Variants in SLC12A2 observed in about 807,000 individuals in gnomAD.
The protein encoded by SLC12A2 is solute carrier family 12 member 2.
SLC12A2 carries 67 observed loss-of-function variants against 136.3 expected under a neutral mutation model. The ratio of observed to expected loss-of-function variants is 0.49; its 90% confidence interval spans 0.40 to 0.60. The LOEUF (loss-of-function observed/expected upper bound fraction) is 0.60, where lower values mean the gene tolerates loss of function less well. Ranked by LOEUF, SLC12A2 falls within the 20% of genes least tolerant of loss-of-function variation. SLC12A2 has a pLI of 0.00. For synonymous variants in SLC12A2, 619 were observed against 562.9 expected, an observed-to-expected ratio of 1.10 and a Z score of -1.41; for missense variants, 1,322 against 1,534.7, an observed-to-expected ratio of 0.86 and a Z score of 2.32.
rs1762692629 is a variant in SLC12A2 at position 128,151,299 on chromosome 5, T to C, written c.2166T>C (p.Leu722=). The change falls in exon 14 of 27, where the codon CTT becomes CTC. Residue 722 remains leucine, a synonymous_variant. Coordinates refer to ENST00000262461, the MANE Select transcript of SLC12A2 (RefSeq NM_001046.3). The part of the protein sequence containing the change: ...NMWISLLGAI[L]CCIVMFVINW... Reference sequence around the variant, plus strand: ...GGATATCACTTCTTGGAGCAATTCTTTGTTGCATAGTAATGTTCGTCATTA... The same window carrying C: ...GGATATCACTTCTTGGAGCAATTCTCTGTTGCATAGTAATGTTCGTCATTA... 1 of 1,612,530 alleles carries C rather than the reference T, an allele frequency of 6.2e-7. No individual in the cohort carries two copies. Among genetic ancestry groups the C allele is most frequent in the Non-Finnish European group, 8.5e-7 (1 of 1,179,300 alleles).
In SLC12A2 at chr5:128,158,047, A is replaced by T; in HGVS notation, c.2364-6A>T. ...TAATTTTGTTTGTCTTTTCATCTTA[A>T]ATTAGGCCACAGTGTCTTGTTATGA... On this transcript the variant is annotated splice_polypyrimidine_tract_variant and splice_region_variant and intron_variant, in intron 15 of 26. Transcript: ENST00000262461. 6.3e-7 allele frequency: 1 copy of T among 1,599,340 alleles called. No homozygotes were observed. Among genetic ancestry groups the T allele is most frequent in the Non-Finnish European group, 8.5e-7 (1 of 1,174,802 alleles).
chr5:128,097,032 A>G (rs1048269115), intron 1 of SLC12A2, among the ~76,000 whole-genome samples: 4 of 152,080 alleles, frequency 2.6e-5, no homozygotes, highest in Non-Finnish European at 5.9e-5. Context: ...TCAATACAAA[A>G]AAAGAGTCAG....
At chr5:128,111,599 A>G (rs532985840) in intron 1 of SLC12A2, among the ~76,000 whole-genome samples, 1 of 152,092 alleles carries the variant, frequency 6.6e-6, no homozygotes, top group Non-Finnish European at 1.5e-5. Flanking sequence ...CCCCATCTCT[A>G]CTAAAAATAC....
At chr5:128,138,225 C>T (rs887737094) in intron 7 of SLC12A2, among the ~76,000 whole-genome samples, 3 of 152,194 alleles carry the variant, frequency 2.0e-5, no homozygotes, top group African/African-American at 7.2e-5. Flanking sequence ...AGGCGTGAGG[C>T]ACCACGCCAT....
chr5:128,097,218 A>AAAGT (rs1760578430), intron 1 of SLC12A2, among the ~76,000 whole-genome samples: 6 of 125,926 alleles, frequency 4.8e-5, no homozygotes, highest in African/African-American at 1.8e-4. Context: ...AAGTAATATA[A>AAAGT]GTTTGAGAAA....
chr5:128,134,958 G>T (rs1429952874), intron 6 of SLC12A2, among the ~76,000 whole-genome samples: 1 of 151,950 alleles, frequency 6.6e-6, no homozygotes, highest in Non-Finnish European at 1.5e-5. Context: ...TTTCAATCTT[G>T]TTCTTTATTG....
At chr5:128,131,679 G>T (rs1458490127) in intron 5 of SLC12A2, among the ~76,000 whole-genome samples, 1 of 151,906 alleles carries the variant, frequency 6.6e-6, no homozygotes, top group Non-Finnish European at 1.5e-5. Context: ...ACTCCAGCCT[G>T]GGCGACAGAG....
intron 3 of SLC12A2, 126 bp downstream of exon 3, chr5:128,114,413 A>G: frequency 1.2e-6 from 1 of 837,504 alleles, no homozygotes; most frequent in Non-Finnish European, 1.9e-6. Context: ...TCAGATTGTT[A>G]TCTTGATGTT....
At position 128,186,524 on chromosome 5, in the gene SLC12A2, G is replaced by A. The variant is rs1763875379; in HGVS notation, c.3532G>A (p.Val1178Met). 1.2e-6 allele frequency: 2 copies of A among 1,610,504 alleles called. No homozygotes were observed. The highest frequency in any genetic ancestry group is 1.4e-5 in the African/African-American group (1 of 74,002). The change falls in exon 27 of 27, where the codon GTG becomes ATG. Residue 1178 changes from valine to methionine, a missense_variant. Val to Met is a conservative substitution (Grantham distance 21). This residue lies in a region of SLC12A2 where 172 missense variants were observed against 227.4 expected (regional missense o/e 0.76). Coordinates refer to ENST00000262461, the MANE Select transcript of SLC12A2 (RefSeq NM_001046.3). ...MSLPVARKGAVSSALYMAWLE... is the reference protein window; with the variant it reads ...MSLPVARKGAMSSALYMAWLE... ...TCTCCCAGTTGCACGAAAAGGTGCTGTGTCTAGTGCTCTCTACATGGCATG... is the reference window on the plus strand; with the variant it reads ...TCTCCCAGTTGCACGAAAAGGTGCTATGTCTAGTGCTCTCTACATGGCATG...
chr5:128,155,114 G>A (rs1762834431), intron 15 of SLC12A2, among the ~76,000 whole-genome samples: 1 of 152,118 alleles, frequency 6.6e-6, no homozygotes. Flanking sequence ...TGTTGGGCAG[G>A]CAGTGTCTGT....
At chr5:128,114,927 C>G (rs1761291535) in intron 4 of SLC12A2, among the ~76,000 whole-genome samples, 1 of 152,144 alleles carries the variant, frequency 6.6e-6, no homozygotes, top group Admixed American at 6.5e-5. Context: ...ACTTTGGTCT[C>G]TTATCCACTG....
At chr5:128,179,399 G>C (rs1430444127) in intron 22 of SLC12A2, among the ~76,000 whole-genome samples, 1 of 152,106 alleles carries the variant, frequency 6.6e-6, no homozygotes, top group East Asian at 1.9e-4. Flanking sequence ...TGGACTCATT[G>C]ATTCCTATTT....
chr5:128,163,219 C>T (rs565902789), intron 17 of SLC12A2, among the ~76,000 whole-genome samples: 9 of 152,170 alleles, frequency 5.9e-5, no homozygotes, highest in African/African-American at 1.9e-4. Flanking sequence ...AACTTTTGCA[C>T]GTGTGAAGAA....
At chr5:128,111,813 C>CGT (rs1554103717) in intron 1 of SLC12A2, among the ~76,000 whole-genome samples, 45 of 146,768 alleles carry the variant, frequency 3.1e-4, no homozygotes, top group Admixed American at 1.4e-3. Flanking sequence ...TGTGTATATA[C>CGT]GTGTGTGTGT....
rs1484385688 is a variant in SLC12A2, at chr5:128,109,676, C to G, written c.757-3138C>G. ...ATCAGGGAATAGCTTCACATCTTCT[C>G]CAGGCGAAAAAGTCTTCCAGGTGAA... On this transcript the variant is annotated intron_variant, in intron 1 of 26. Transcript: ENST00000262461. 3 of 1,013,758 alleles carry G rather than the reference C, an allele frequency of 3.0e-6. No homozygotes were observed. In the East Asian group the frequency reaches 7.2e-5, roughly 24 times the overall value. The allele number at this position is 1,013,758 out of a possible 1,614,324, so 62.8% of individuals were successfully genotyped here. A position where few individuals can be genotyped will look rare whatever the true frequency, so the allele number is the denominator to read the frequency against.
At chr5:128,154,414 C>CAA (rs755575640) in intron 15 of SLC12A2, among the ~76,000 whole-genome samples, 2 of 123,336 alleles carry the variant, frequency 1.6e-5, no homozygotes, top group African/African-American at 3.0e-5. Context: ...GACCCTGTCT[C>CAA]AAAAAAAAAA....
At chr5:128,182,822 C>T in intron 23 of SLC12A2, 33 bp from the exon 24 acceptor site, 1 of 1,479,012 alleles carries the variant, frequency 6.8e-7, no homozygotes. Context: ...AATGAAAATA[C>T]TTGTATCTTA....
intron 4 of SLC12A2, among the ~76,000 whole-genome samples, chr5:128,116,669 A>G (rs1761362934): frequency 6.6e-6 from 1 of 152,198 alleles, no homozygotes; most frequent in African/African-American, 2.4e-5. Context: ...AATGAAACCC[A>G]TAGAAGATAA....
chr5:128,142,381 G>C (rs988409947), intron 10 of SLC12A2, among the ~76,000 whole-genome samples: 1 of 152,206 alleles, frequency 6.6e-6, no homozygotes, highest in Admixed American at 6.5e-5. Context: ...GGGATGGCAG[G>C]TGTGAGCCAC....
Sources: allele counts gnomAD v4.1 joint callset (sites outside exome capture counted in the v4.1 genomes callset), GRCh38; gene constraint gnomAD v4.1.1; regional missense constraint gnomAD v4.1.1; transcripts MANE v1.5; gene names NCBI Gene and HGNC (gene_info 2026-07-23, HGNC 2026-07-21).